B3GNT2: variants seen among roughly 807,000 people sequenced by gnomAD.
The protein encoded by B3GNT2 is UDP-GlcNAc:betaGal beta-1,3-N-acetylglucosaminyltransferase 2.
A neutral mutation model predicts 27.6 loss-of-function variants in B3GNT2; 12 were observed. That is an observed-to-expected ratio of 0.44 (90% confidence interval 0.28 to 0.71). The LOEUF (loss-of-function observed/expected upper bound fraction) is 0.71, where lower values mean the gene tolerates loss of function less well. Ranked by LOEUF, B3GNT2 falls within the 30% of genes least tolerant of loss-of-function variation. The pLI, the probability that B3GNT2 is intolerant of heterozygous loss-of-function variation, is 0.17. For missense variants in B3GNT2, 413 were observed against 488.5 expected (o/e 0.85, Z 1.46); for synonymous variants, 192 against 189.7 (o/e 1.01, Z -0.10).
At chr2:62,206,844 G>C (rs572191312) in intron 1 of B3GNT2, among the ~76,000 whole-genome samples, 1 of 152,360 alleles carries the variant, frequency 6.6e-6, no homozygotes, top group Admixed American at 6.5e-5. Context: ...CCTGCAGTCT[G>C]AGGTTGTAGT....
chr2:62,204,230 T>G (rs1674325489), intron 1 of B3GNT2, among the ~76,000 whole-genome samples: 1 of 152,236 alleles, frequency 6.6e-6, no homozygotes, highest in Admixed American at 6.5e-5. Context: ...TTCTCCGTGC[T>G]GGTCAGGCTG....
At chr2:62,202,996 C>A (rs562282239) in intron 1 of B3GNT2, among the ~76,000 whole-genome samples, 1 of 152,310 alleles carries the variant, frequency 6.6e-6, no homozygotes, top group African/African-American at 2.4e-5. Context: ...TCTCTGATCA[C>A]CCGGCATAAA....
At chr2:62,216,601 G>C (rs1450211833) in intron 1 of B3GNT2, among the ~76,000 whole-genome samples, 1 of 151,718 alleles carries the variant, frequency 6.6e-6, no homozygotes, top group African/African-American at 2.4e-5. Flanking sequence ...ATGGGGTCTC[G>C]CTATGTTGCC....
intron 1 of B3GNT2, among the ~76,000 whole-genome samples, chr2:62,197,469 G>T (rs1044594091): frequency 2.0e-5 from 3 of 152,192 alleles, no homozygotes; most frequent in African/African-American, 7.2e-5. Context: ...CGTAGGGGTG[G>T]TTAGTTTGTA....
intron 1 of B3GNT2, among the ~76,000 whole-genome samples, chr2:62,211,744 G>A (rs1197340433): frequency 2.0e-5 from 3 of 152,032 alleles, no homozygotes; most frequent in Non-Finnish European, 4.4e-5. Context: ...CTCAGAAGCT[G>A]TCTGTCCATG....
intron 1 of B3GNT2, among the ~76,000 whole-genome samples, chr2:62,198,323 T>A (rs1674195491): frequency 6.6e-6 from 1 of 152,224 alleles, no homozygotes; most frequent in South Asian, 2.1e-4. Context: ...GATGGTGGTG[T>A]TTGCTCTGCA....
Position 62,223,376 on chromosome 2 carries a change from A to G in B3GNT2, c.1156A>G (p.Ile386Val), listed in dbSNP as rs769129649. ...HSRKPQEMIDIWSQLQSAHLK... is the reference protein window; with the variant it reads ...HSRKPQEMIDVWSQLQSAHLK... ...TAGAAAACCTCAAGAGATGATTGATATTTGGTCTCAGTTGCAGAGTGCTCA... is the reference window on the plus strand; with the variant it reads ...TAGAAAACCTCAAGAGATGATTGATGTTTGGTCTCAGTTGCAGAGTGCTCA... The change falls in exon 2 of 2, where the codon ATT becomes GTT. Residue 386 changes from isoleucine to valine, a missense_variant. Physicochemically the swap from Ile to Val is conservative, Grantham distance 29. Transcript: ENST00000301998. 1 of 1,613,102 alleles carries G rather than the reference A, an allele frequency of 6.2e-7. No homozygotes were observed. The highest frequency in any genetic ancestry group is 8.5e-7 in the Non-Finnish European group (1 of 1,179,562).
chr2:62,220,749 G>A (rs1553403516), intron 1 of B3GNT2, among the ~76,000 whole-genome samples: 1 of 152,070 alleles, frequency 6.6e-6, no homozygotes, highest in Non-Finnish European at 1.5e-5. Context: ...AACCTGATAA[G>A]AAAATCTTCA....
chr2:62,210,332 G>A (rs1674457157), intron 1 of B3GNT2, among the ~76,000 whole-genome samples: 1 of 152,196 alleles, frequency 6.6e-6, no homozygotes, highest in Non-Finnish European at 1.5e-5. Flanking sequence ...TTTTTAGTTT[G>A]TTGTGGAGAT....
chr2:62,219,929 G>C (rs1674650055), intron 1 of B3GNT2, among the ~76,000 whole-genome samples: 1 of 152,168 alleles, frequency 6.6e-6, no homozygotes, highest in African/African-American at 2.4e-5. Flanking sequence ...TCTCTAGTCT[G>C]GGTGGGGTAA....
Position 62,205,811 on chromosome 2 carries a change from T to C in B3GNT2, c.-10+9456T>C, listed in dbSNP as rs769507679. 8.6e-4 allele frequency: 133 copies of C among 153,902 alleles called. 2 individuals are homozygous for C. The highest frequency in any genetic ancestry group is 2.6e-3 in the Middle Eastern group (4 of 1,510). 9.5% of individuals were successfully genotyped at this position (153,902 alleles called of 1,614,324 possible). On this transcript the variant is annotated intron_variant, in intron 1 of 1. Coordinates refer to ENST00000301998, the MANE Select transcript of B3GNT2 (RefSeq NM_006577.6). ...CAGCCCTTGGCTGTCATTTGCCACC[T>C]GAGGGACAGGCTGCTTAGTTCCAGC...
intron 1 of B3GNT2, among the ~76,000 whole-genome samples, chr2:62,213,023 T>G (rs1674508430): frequency 6.6e-6 from 1 of 152,216 alleles, no homozygotes; most frequent in South Asian, 2.1e-4. Context: ...CCAAGCCACG[T>G]ACAAGCTCTT....
At chr2:62,196,858 C>T (rs1423813881) in intron 1 of B3GNT2, among the ~76,000 whole-genome samples, 2 of 152,058 alleles carry the variant, frequency 1.3e-5, no homozygotes, top group Non-Finnish European at 2.9e-5. Context: ...CGCACCCCAC[C>T]CTCGCACTGC....
At chr2:62,200,978 T>C (rs1280331298) in intron 1 of B3GNT2, among the ~76,000 whole-genome samples, 1 of 152,234 alleles carries the variant, frequency 6.6e-6, no homozygotes, top group Non-Finnish European at 1.5e-5. Context: ...TTCTCACTTG[T>C]AAAATGGGGA....
At position 62,223,343 on chromosome 2, in the gene B3GNT2, G is replaced by A. The variant is rs1674760620; in HGVS notation, c.1123G>A (p.Val375Ile). ...NICSYVDLML[V>I]HSRKPQEMID... ...CTGCTCCTATGTAGATCTGATGTTA[G>A]TACATAGTAGAAAACCTCAAGAGAT... Residue 375 changes from valine (V) to isoleucine (I), a missense_variant, in exon 2 of 2, where the codon GTA (valine) becomes ATA (isoleucine). Transcript: ENST00000301998. 4 of 1,614,102 alleles carry A rather than the reference G, an allele frequency of 2.5e-6. No individual in the cohort carries two copies. Among genetic ancestry groups the A allele is most frequent in the Non-Finnish European group, 3.4e-6 (4 of 1,180,008 alleles).
intron 1 of B3GNT2, among the ~76,000 whole-genome samples, chr2:62,216,669 G>A (rs549735249): frequency 3.9e-4 from 60 of 152,276 alleles, no homozygotes; most frequent in Middle Eastern, 3.4e-3. Context: ...TTCCTAAAGT[G>A]TTGGGGTTAC....
chr2:62,212,298 G>A (rs536833863), intron 1 of B3GNT2, among the ~76,000 whole-genome samples: 1 of 152,124 alleles, frequency 6.6e-6, no homozygotes, highest in South Asian at 2.1e-4. Context: ...CTCTGGCATC[G>A]GTGGTACCAG....
intron 1 of B3GNT2, among the ~76,000 whole-genome samples, chr2:62,206,211 C>G (rs536501464): frequency 6.6e-6 from 1 of 152,156 alleles, no homozygotes; most frequent in Admixed American, 6.5e-5. Context: ...ACGTGCTCAG[C>G]GAGGATGGGG....
intron 1 of B3GNT2, among the ~76,000 whole-genome samples, chr2:62,199,374 G>A (rs1674218340): frequency 6.6e-6 from 1 of 152,226 alleles, no homozygotes; most frequent in African/African-American, 2.4e-5. Flanking sequence ...AATGGATGTA[G>A]TATTTGACTG....
Sources: allele counts gnomAD v4.1 joint callset (sites outside exome capture counted in the v4.1 genomes callset), GRCh38; gene constraint gnomAD v4.1.1; transcripts MANE v1.5; gene names NCBI Gene and HGNC (gene_info 2026-07-23, HGNC 2026-07-21).